The following FAM120A variants were observed in gnomAD, a reference collection of about 807,000 sequenced individuals.
The protein encoded by FAM120A is constitutive coactivator of PPAR-gamma-like protein 1.
In FAM120A, 15 loss-of-function variants were observed where a neutral mutation model predicts 109.7. The observed-to-expected ratio is 0.14, with a 90% CI of 0.09 to 0.21. The LOEUF (loss-of-function observed/expected upper bound fraction) is 0.21, where lower values mean the gene tolerates loss of function less well. Among genes scored for constraint, FAM120A ranks in the 10% least tolerant of loss-of-function variants. The probability of loss-of-function intolerance (pLI) is 1.00; values close to 1 mark genes in which losing one functional copy is unlikely to be tolerated. For synonymous variants in FAM120A, 493 were observed against 572.8 expected, an observed-to-expected ratio of 0.86 and a Z score of 1.99; for missense variants, 899 against 1,439.3, an observed-to-expected ratio of 0.62 and a Z score of 6.07.
intron 12 of FAM120A, among the ~76,000 whole-genome samples, chr9:93,554,591 T>G (rs1369088200): frequency 6.6e-6 from 1 of 152,074 alleles, no homozygotes; most frequent in African/African-American, 2.4e-5. Flanking sequence ...GAGAATTGCT[T>G]GAACCTGGGA....
In FAM120A at chr9:93,532,459, C is replaced by A; in HGVS notation, c.1909+130C>A. On this transcript the variant is annotated intron_variant, in intron 10 of 17. Coordinates refer to ENST00000277165, the MANE Select transcript of FAM120A (RefSeq NM_014612.5). This position sits in a 1 kb window ranked among gnomAD's most constrained non-coding sequence, Gnocchi z 4.3. ...CTCTGTGTAAAGGAGGTGGGCCCAT[C>A]ATCGGGGCAGTAGGCCAGGGTAAAG... is the stretch of plus-strand genomic sequence containing the variant. The A allele has an allele frequency of 1.0e-6, 1 of 968,520 alleles. No individual in the cohort carries two copies. The allele number at this position is 968,520 out of a possible 1,614,324, so 60.0% of individuals were successfully genotyped here.
In FAM120A at chr9:93,565,498, T is replaced by C. The variant is rs941168730; in HGVS notation, c.*958T>C. ...AACTCTGTTTAGTCATTGACTGATC[T>C]TGCTCTAACCTTAAAATTTTGTGAT... is the stretch of plus-strand genomic sequence containing the variant. On this transcript the variant is annotated 3_prime_UTR_variant, in exon 18 of 18. Coordinates refer to ENST00000277165, the MANE Select transcript of FAM120A (RefSeq NM_014612.5). The C allele has an allele frequency of 6.6e-6, 1 of 152,612 alleles. No homozygotes were observed. The highest frequency in any genetic ancestry group is 1.5e-5 in the Non-Finnish European group (1 of 68,046). 9.5% of individuals were successfully genotyped at this position (152,612 alleles called of 1,614,324 possible). A position where few individuals can be genotyped will look rare whatever the true frequency, so the allele number is the denominator to read the frequency against.
At chr9:93,543,081 G>T in intron 10 of FAM120A, 141 bp from the exon 11 acceptor site, 3 of 997,680 alleles carry the variant, frequency 3.0e-6, no homozygotes, top group Non-Finnish European at 4.4e-6. Context: ...CTTGATGATT[G>T]GTAGTTTTGC....
intron 2 of FAM120A, 138 bp downstream of exon 2, chr9:93,471,525 A>G: frequency 9.3e-7 from 1 of 1,071,940 alleles, no homozygotes; most frequent in Non-Finnish European, 1.3e-6. Context: ...GCTCTTCCTT[A>G]GCATTCCTTG....
Position 93,556,544 on chromosome 9 carries a change from A to G in FAM120A, c.2437A>G (p.Lys813Glu). 6.2e-7 allele frequency: 1 copy of G among 1,614,230 alleles called. No individual in the cohort carries two copies. Among genetic ancestry groups the G allele is most frequent in the Non-Finnish European group, 8.5e-7 (1 of 1,180,044 alleles). The change falls in exon 13 of 18, where the codon AAA (lysine) becomes GAA (glutamate). Residue 813 changes from lysine to glutamate, a missense_variant. Around this residue, in one of 11 missense-constraint regions of FAM120A, gnomAD observed 31 missense variants for 73.0 expected, o/e 0.42. Coordinates refer to ENST00000277165, the MANE Select transcript of FAM120A (RefSeq NM_014612.5). Reference sequence around the variant, plus strand: ...GAAGCTCTTCCAATCCAAACTCCTCAAAGCCAGCCGGGAAAAGACCCCACT... The same window carrying G: ...GAAGCTCTTCCAATCCAAACTCCTCGAAGCCAGCCGGGAAAAGACCCCACT... ...DGKLFQSKLL[K>E]ASREKTPLID...
At chr9:93,563,688 A>G (rs1387774265) in intron 17 of FAM120A, among the ~76,000 whole-genome samples, 1 of 152,172 alleles carries the variant, frequency 6.6e-6, no homozygotes, top group Non-Finnish European at 1.5e-5. Context: ...TTTTTTTCAG[A>G]GGCTTATTTT....
chr9:93,548,974 C>T (rs10992783), intron 11 of FAM120A, among the ~76,000 whole-genome samples: 53,804 of 151,716 alleles, frequency 0.35, 10,428 homozygotes, highest in South Asian at 0.65. Context: ...ACCCAGGAGG[C>T]GGAGGTTGCA....
chr9:93,549,318 G>C (rs1461287778), intron 11 of FAM120A, among the ~76,000 whole-genome samples: 1 of 152,134 alleles, frequency 6.6e-6, no homozygotes, highest in Non-Finnish European at 1.5e-5. Flanking sequence ...TAAGCTCTCT[G>C]TGCTTCAGTT....
rs1008888238 is a variant in FAM120A, at chr9:93,504,842, G to A, written c.1030+5956G>A. ...TCAAGCCTCTGCTGCTGCCGGACAC[G>A]GATACACCTATTTATTCTCCTGGCA... On this transcript the variant is annotated intron_variant, in intron 5 of 17. Coordinates refer to ENST00000277165, the MANE Select transcript of FAM120A (RefSeq NM_014612.5). Among the ~76,000 whole-genome samples, 15 of 152,020 alleles carry A rather than the reference G, an allele frequency of 9.9e-5. 2 individuals are homozygous for A. The highest frequency in any genetic ancestry group is 3.6e-4 in the African/African-American group (15 of 41,372).
chr9:93,508,819 C>A (rs1860181782), intron 5 of FAM120A, among the ~76,000 whole-genome samples: 1 of 152,222 alleles, frequency 6.6e-6, no homozygotes, highest in Non-Finnish European at 1.5e-5. Flanking sequence ...CCCAGTGTCG[C>A]ATTGCTCAAT....
chr9:93,511,403 C>G (rs1338553684), intron 5 of FAM120A, among the ~76,000 whole-genome samples: 2 of 152,230 alleles, frequency 1.3e-5, no homozygotes, highest in African/African-American at 4.8e-5. Flanking sequence ...TCCCTGGGCA[C>G]TGACATTGCA....
Position 93,451,785 on chromosome 9 carries a change from G to A in FAM120A, c.-131G>A. 1 of 978,086 alleles carries A rather than the reference G, an allele frequency of 1.0e-6. No individual in the cohort carries two copies. The highest frequency in any genetic ancestry group is 1.2e-6 in the Non-Finnish European group (1 of 827,360). 60.6% of individuals were successfully genotyped at this position (978,086 alleles called of 1,614,324 possible). A position where few individuals can be genotyped will look rare whatever the true frequency, so the allele number is the denominator to read the frequency against. On this transcript the variant is annotated 5_prime_UTR_variant, in exon 1 of 18. Coordinates refer to ENST00000277165, the MANE Select transcript of FAM120A (RefSeq NM_014612.5). ...TGGCGGCCGCGGCGGCCATGAGCGC[G>A]CCCCCGACCCGCCCCAGTCCCCCCT...
intron 5 of FAM120A, among the ~76,000 whole-genome samples, chr9:93,506,393 A>C (rs996822443): frequency 2.6e-5 from 4 of 152,066 alleles, no homozygotes; most frequent in African/African-American, 9.7e-5. Flanking sequence ...CTAAATATTT[A>C]TTTTTGGGTG....
At chr9:93,502,552 T>C (rs1859847286) in intron 5 of FAM120A, among the ~76,000 whole-genome samples, 1 of 115,614 alleles carries the variant, frequency 8.6e-6, no homozygotes, top group Non-Finnish European at 1.9e-5. Flanking sequence ...TGTAGAGTTC[T>C]TAGGAGGACA....
At chr9:93,531,556 A>T (rs756546021) in intron 9 of FAM120A, 1 of 152,500 alleles carries the variant, frequency 6.6e-6, no homozygotes, top group Non-Finnish European at 1.5e-5. Flanking sequence ...GCCCTGGGAC[A>T]TGAAAAAGGT....
intron 11 of FAM120A, among the ~76,000 whole-genome samples, chr9:93,550,091 C>G (rs190350803): frequency 1.3e-5 from 2 of 152,324 alleles, no homozygotes; most frequent in East Asian, 3.9e-4. Context: ...CCTTGTGGTA[C>G]TGGCCCTATC....
At position 93,562,262 on chromosome 9, in the gene FAM120A, A is replaced by C. The variant is rs1169603723; in HGVS notation, c.3003A>C (p.Gly1001=). 1.9e-6 allele frequency: 3 copies of C among 1,614,168 alleles called. No individual in the cohort carries two copies. Among genetic ancestry groups the C allele is most frequent in the South Asian group, 2.2e-5 (2 of 91,088 alleles). Residue 1001 remains glycine, a synonymous_variant, in exon 17 of 18, where the codon GGA becomes GGC. Coordinates refer to ENST00000277165, the MANE Select transcript of FAM120A (RefSeq NM_014612.5). ...TGATTAGAACATTTGGAAGAGGTGG[A>C]AGGTACTATGGCAGAGGTTACAAAA... ...TPVIRTFGRG[G]RYYGRGYKNQ...
chr9:93,537,010 T>C (rs985866562), intron 10 of FAM120A, among the ~76,000 whole-genome samples: 1 of 152,214 alleles, frequency 6.6e-6, no homozygotes, highest in Non-Finnish European at 1.5e-5. Flanking sequence ...TCCACGGTGA[T>C]AGTGGCACCT....
rs2131352422 is a variant in FAM120A, at chr9:93,498,536, G to T, written c.934-254G>T. Among the ~76,000 whole-genome samples the T allele has an allele frequency of 6.6e-6, 1 of 152,342 alleles. No homozygotes were observed. Among genetic ancestry groups the T allele is most frequent in the South Asian group, 2.1e-4 (1 of 4,828 alleles). ...GAGTGGAAGTCAGGGAAGTCCTAGA[G>T]CTAGAACCCAGGGCCCTGACTACCA... is the stretch of plus-strand genomic sequence containing the variant. On this transcript the variant is annotated intron_variant, in intron 4 of 17. Coordinates refer to ENST00000277165, the MANE Select transcript of FAM120A (RefSeq NM_014612.5). This position sits in a 1 kb window ranked among gnomAD's most constrained non-coding sequence, Gnocchi z 4.4.
Sources: gnomAD v4.1 joint callset for allele counts (sites outside exome capture counted in the v4.1 genomes callset) on GRCh38, gnomAD v4.1.1 for gene constraint, gnomAD v4.1.1 regional missense constraint, Gnocchi (gnomAD v3.1) non-coding constraint, MANE v1.5 for transcripts, NCBI Gene and HGNC (gene_info 2026-07-23, HGNC 2026-07-21) for gene names.